CREB5: variants seen among roughly 807,000 people sequenced by gnomAD.
CREB5 encodes the protein cAMP responsive element binding protein 5.
Under a neutral mutation model 57.1 loss-of-function variants are expected in CREB5, and 19 were observed. The observed-to-expected ratio is 0.33, with a 90% CI of 0.23 to 0.49. The LOEUF is 0.49. CREB5 is among the 20% of genes least tolerant of loss of function. The pLI, the probability that CREB5 is intolerant of heterozygous loss-of-function variation, is 0.99. For missense variants in CREB5, 579 were observed against 671.6 expected, an observed-to-expected ratio of 0.86 and a Z score of 1.52; for synonymous variants, 238 against 238.3, an observed-to-expected ratio of 1.00 and a Z score of 0.01.
At chr7:28,699,800 TC>T (rs1801754046) in intron 5 of CREB5, among the ~76,000 whole-genome samples, 1 of 152,184 alleles carries the variant, frequency 6.6e-6, no homozygotes, top group East Asian at 1.9e-4. Flanking sequence ...AGGGGTTTTT[TC>T]GCTCTGAAAA....
intron 5 of CREB5, among the ~76,000 whole-genome samples, chr7:28,690,990 AG>A (rs1412672997): frequency 6.6e-6 from 1 of 152,204 alleles, no homozygotes; most frequent in Non-Finnish European, 1.5e-5. Context: ...ATCTGGGTGG[AG>A]GGAAGGACAC....
chr7:28,694,423 C>T (rs542936155), intron 5 of CREB5, among the ~76,000 whole-genome samples: 17 of 150,902 alleles, frequency 1.1e-4, no homozygotes, highest in African/African-American at 3.9e-4. Context: ...TGCTTTTTGC[C>T]ATTTCCTTCC....
chr7:28,626,850 A>T (rs1180528300), intron 5 of CREB5, among the ~76,000 whole-genome samples: 4 of 152,108 alleles, frequency 2.6e-5, no homozygotes, highest in African/African-American at 9.7e-5. Flanking sequence ...GCCCTTCATC[A>T]GATTTGGGGA....
At chr7:28,364,004 T>C (rs1359770526) in intron 1 of CREB5, among the ~76,000 whole-genome samples, 4 of 152,220 alleles carry the variant, frequency 2.6e-5, no homozygotes, top group Admixed American at 2.6e-4. Flanking sequence ...TTAAAATCTA[T>C]GAGCCAAATT....
chr7:28,631,865 C>T (rs777995342), intron 5 of CREB5, among the ~76,000 whole-genome samples: 2 of 151,872 alleles, frequency 1.3e-5, no homozygotes, highest in South Asian at 2.1e-4. Context: ...GATGGTGTCT[C>T]GGAAGAGAAT....
intron 1 of CREB5, among the ~76,000 whole-genome samples, chr7:28,460,016 C>T (rs1000049251): frequency 2.0e-5 from 3 of 152,192 alleles, no homozygotes; most frequent in East Asian, 3.8e-4. Context: ...ATTGCATCTT[C>T]TGTTACTCAT....
In CREB5 at chr7:28,565,261, G is replaced by T. The variant is rs191945980; in HGVS notation, c.292-5104G>T. On this transcript the variant is annotated intron_variant, in intron 4 of 10. Transcript: ENST00000357727. ...CTGAGGCAGGAATCCTTTTGGTGAC[G>T]TAGCTGACAAATGGCCACTCATCCT... Among the ~76,000 whole-genome samples, 138 of 152,336 alleles carry T rather than the reference G, an allele frequency of 9.1e-4. 1 individual carries two copies. Among genetic ancestry groups the T allele is most frequent in the Admixed American group, 1.6e-3 (24 of 15,298 alleles).
chr7:28,401,122 G>A (rs141807480), intron 1 of CREB5, among the ~76,000 whole-genome samples: 337 of 152,224 alleles, frequency 2.2e-3, no homozygotes, highest in African/African-American at 7.7e-3. Flanking sequence ...TAAAGACTAA[G>A]TAGTTTTTCC....
chr7:28,561,027 T>TGTGTGTGC (rs1562798683), intron 4 of CREB5, among the ~76,000 whole-genome samples: 7 of 70,488 alleles, frequency 9.9e-5, no homozygotes, highest in Non-Finnish European at 1.9e-4. Flanking sequence ...CGTGTGTGCG[T>TGTGTGTGC]GTGTGTGTGT....
chr7:28,758,801 G>A (rs918766809), intron 7 of CREB5, among the ~76,000 whole-genome samples: 7 of 152,220 alleles, frequency 4.6e-5, no homozygotes, highest in African/African-American at 1.7e-4. Flanking sequence ...GAGTCCTCTA[G>A]GAGAAATTGT....
intron 1 of CREB5, among the ~76,000 whole-genome samples, chr7:28,367,183 T>A (rs1786604787): frequency 8.1e-6 from 1 of 123,702 alleles, no homozygotes; most frequent in African/African-American, 2.7e-5. Flanking sequence ...TGGGTCCCCA[T>A]CCATCTCCTT....
At chr7:28,332,263 T>C (rs1331674627) in intron 1 of CREB5, among the ~76,000 whole-genome samples, 1 of 152,182 alleles carries the variant, frequency 6.6e-6, no homozygotes, top group Admixed American at 6.5e-5. Context: ...AACTAGACTG[T>C]GGACTTTTGA....
At position 28,403,257 on chromosome 7, in the gene CREB5, G is replaced by A. The variant is rs1425914425; in HGVS notation, c.-24-91649G>A. Reference sequence around the variant, plus strand: ...TCAAAAACTGGACTCAGGGCCAGTTGGATTGATTCCTCCATCTAACCCACA... The same window carrying A: ...TCAAAAACTGGACTCAGGGCCAGTTAGATTGATTCCTCCATCTAACCCACA... On this transcript the variant is annotated intron_variant, in intron 1 of 9. Transcript: ENST00000396299. 2.6e-5 allele frequency among the ~76,000 whole-genome samples: 4 copies of A among 152,208 alleles called. No individual in the cohort carries two copies. The East Asian group carries it at 5.8e-4, about 22-fold the overall frequency.
At chr7:28,353,148 G>A (rs1786267912) in intron 1 of CREB5, among the ~76,000 whole-genome samples, 1 of 151,920 alleles carries the variant, frequency 6.6e-6, no homozygotes, top group Non-Finnish European at 1.5e-5. Flanking sequence ...GGAGTTTAAT[G>A]ACGCAATCTT....
At chr7:28,561,729 G>T (rs554230724) in intron 4 of CREB5, among the ~76,000 whole-genome samples, 12 of 152,324 alleles carry the variant, frequency 7.9e-5, no homozygotes, top group African/African-American at 2.9e-4. Context: ...TCTGCTGCAA[G>T]AACAGTGAAC....
At chr7:28,362,652 GAATTGTATGAGCTGT>G (rs1172711470) in intron 1 of CREB5, among the ~76,000 whole-genome samples, 1 of 152,164 alleles carries the variant, frequency 6.6e-6, no homozygotes, top group African/African-American at 2.4e-5. Context: ...AGTTTAGATT[GAATTGTATGAGCTGT>G]AATTAATAGG....
intron 5 of CREB5, among the ~76,000 whole-genome samples, chr7:28,710,173 A>C (rs1328906635): frequency 6.6e-6 from 1 of 152,224 alleles, no homozygotes; most frequent in Non-Finnish European, 1.5e-5. Flanking sequence ...ATTACCTTTT[A>C]TGCTTTTCAA....
intron 1 of CREB5, among the ~76,000 whole-genome samples, chr7:28,477,060 C>T (rs1026570732): frequency 6.6e-6 from 1 of 152,154 alleles, no homozygotes; most frequent in Non-Finnish European, 1.5e-5. Flanking sequence ...TGCTCAGTGA[C>T]GATGTGGGGA....
intron 5 of CREB5, among the ~76,000 whole-genome samples, chr7:28,580,463 A>ACACACACACAC (rs1554347479): frequency 5.5e-5 from 8 of 146,764 alleles, no homozygotes; most frequent in South Asian, 4.5e-4. Flanking sequence ...ACACACACAC[A>ACACACACACAC]ATAGATAGCT....
Sources: gnomAD v4.1 joint callset for allele counts (sites outside exome capture counted in the v4.1 genomes callset) on GRCh38, gnomAD v4.1.1 for gene constraint, MANE v1.5 for transcripts, NCBI Gene and HGNC (gene_info 2026-07-23, HGNC 2026-07-21) for gene names.